Variants in SLC35F4 observed in about 807,000 individuals in gnomAD.
SLC35F4 encodes the protein solute carrier family 35 member F4, also known as chromosome 14 open reading frame 36.
Under a neutral mutation model 44.2 loss-of-function variants are expected in SLC35F4, and 24 were observed. That is an observed-to-expected ratio of 0.54 (90% CI 0.39 to 0.76). The LOEUF (loss-of-function observed/expected upper bound fraction) is 0.76, where lower values mean the gene tolerates loss of function less well. Among genes scored for constraint, SLC35F4 ranks in the 30% least tolerant of loss-of-function variants. The pLI, the probability that SLC35F4 is intolerant of heterozygous loss-of-function variation, is 0.00. For missense variants in SLC35F4, 562 were observed against 586.1 expected, an observed-to-expected ratio of 0.96 and a Z score of 0.42; for synonymous variants, 238 against 223.6, an observed-to-expected ratio of 1.06 and a Z score of -0.57.
At chr14:57,784,537 T>C (rs2140764947) in intron 1 of SLC35F4, among the ~76,000 whole-genome samples, 1 of 152,210 alleles carries the variant, frequency 6.6e-6, no homozygotes, top group East Asian at 1.9e-4. Flanking sequence ...AATTTTTTCT[T>C]AGTCAGGGGC....
rs1331321847 is a variant in SLC35F4 at position 57,589,376 on chromosome 14, C to T, written c.427G>A (p.Val143Ile). Reference protein sequence around the residue: ...LIILSVSSSWVGTTQIVKITY... With the variant: ...LIILSVSSSWIGTTQIVKITY... ...ATTTTTACAATCTGTGTAGTTCCAACCCAAGATGATGATACTGACAAGATG... is the reference window on the plus strand; with the variant it reads ...ATTTTTACAATCTGTGTAGTTCCAATCCAAGATGATGATACTGACAAGATG... Residue 143 changes from valine (V) to isoleucine (I), a missense_variant, in exon 3 of 8, where the codon GTT (valine) becomes ATT (isoleucine). Transcript: ENST00000556826. 5 of 1,613,932 alleles carry T rather than the reference C, an allele frequency of 3.1e-6. No individual in the cohort carries two copies. The highest frequency in any genetic ancestry group is 4.2e-6 in the Non-Finnish European group (5 of 1,179,864).
At chr14:57,617,322 G>T (rs1453088709) in intron 1 of SLC35F4, among the ~76,000 whole-genome samples, 2 of 151,496 alleles carry the variant, frequency 1.3e-5, no homozygotes, top group Admixed American at 6.6e-5. Flanking sequence ...AGTGGAGACG[G>T]GGTTTCACCA....
chr14:57,875,823 TGGC>T (rs1328631609), intron 1 of SLC35F4, among the ~76,000 whole-genome samples: 3 of 152,200 alleles, frequency 2.0e-5, no homozygotes, highest in African/African-American at 7.2e-5. Context: ...CAAACAATTG[TGGC>T]CATTCTTGGA....
chr14:57,792,557 T>C (rs1226920365), intron 1 of SLC35F4, among the ~76,000 whole-genome samples: 1 of 152,064 alleles, frequency 6.6e-6, no homozygotes, highest in Non-Finnish European at 1.5e-5. Context: ...GATATATATA[T>C]GTATATATGC....
chr14:57,875,496 T>C (rs895759743), intron 1 of SLC35F4, among the ~76,000 whole-genome samples: 3 of 152,218 alleles, frequency 2.0e-5, no homozygotes, highest in Non-Finnish European at 2.9e-5. Flanking sequence ...CCAGGCTTGG[T>C]TGATCCTGGA....
intron 1 of SLC35F4, among the ~76,000 whole-genome samples, chr14:57,878,533 G>A (rs550495404): frequency 9.2e-5 from 14 of 152,190 alleles, no homozygotes; most frequent in South Asian, 6.2e-4. Flanking sequence ...CTCTGAAAAA[G>A]CTATGGGCTT....
intron 1 of SLC35F4, among the ~76,000 whole-genome samples, chr14:57,738,042 A>G (rs1397217745): frequency 6.6e-6 from 1 of 152,230 alleles, no homozygotes; most frequent in Non-Finnish European, 1.5e-5. Flanking sequence ...TTCACATAAA[A>G]AATGTTTGAG....
chr14:57,880,322 G>A (rs1888506647), intron 1 of SLC35F4, among the ~76,000 whole-genome samples: 1 of 152,142 alleles, frequency 6.6e-6, no homozygotes, highest in Non-Finnish European at 1.5e-5. Context: ...TGATATATGG[G>A]TGGAATAAGG....
At chr14:57,727,958 C>T (rs2076245103) in intron 1 of SLC35F4, among the ~76,000 whole-genome samples, 2 of 152,160 alleles carry the variant, frequency 1.3e-5, no homozygotes, top group African/African-American at 4.8e-5. Context: ...TATGGGAGAT[C>T]TGTTCAGTGC....
At chr14:57,768,939 G>A (rs140838505) in intron 1 of SLC35F4, among the ~76,000 whole-genome samples, 5 of 151,984 alleles carry the variant, frequency 3.3e-5, no homozygotes, top group African/African-American at 9.7e-5. Flanking sequence ...TTTTAGTAGC[G>A]ATAGGGTTTC....
At chr14:57,947,357 T>C (rs1429917867) in intron 1 of SLC35F4, among the ~76,000 whole-genome samples, 7 of 152,104 alleles carry the variant, frequency 4.6e-5, no homozygotes, top group Non-Finnish European at 8.8e-5. Context: ...ATAGCAGTGC[T>C]ACTGATTTGT....
chr14:57,744,687 G>A (rs935076511), intron 1 of SLC35F4, among the ~76,000 whole-genome samples: 2 of 151,658 alleles, frequency 1.3e-5, no homozygotes, highest in South Asian at 4.2e-4. Flanking sequence ...ATCCCCATCA[G>A]CTACCTTTCT....
chr14:57,818,547 G>A (rs1312290186), intron 1 of SLC35F4, among the ~76,000 whole-genome samples: 3 of 152,172 alleles, frequency 2.0e-5, no homozygotes, highest in Non-Finnish European at 2.9e-5. Context: ...AAGAGTGTCT[G>A]TACATCAGGG....
At chr14:57,819,052 T>C (rs965030541) in intron 1 of SLC35F4, among the ~76,000 whole-genome samples, 15 of 152,118 alleles carry the variant, frequency 9.9e-5, no homozygotes, top group Non-Finnish European at 1.8e-4. Context: ...TTTAAAAAAA[T>C]TTTTTGAGGG....
chr14:57,697,810 C>T (rs967069502), intron 1 of SLC35F4, among the ~76,000 whole-genome samples: 16 of 152,074 alleles, frequency 1.1e-4, no homozygotes, highest in African/African-American at 3.1e-4. Context: ...TCACTATACT[C>T]CTATACAGAC....
intron 1 of SLC35F4, among the ~76,000 whole-genome samples, chr14:57,670,864 T>TATAG (rs2074492902): frequency 6.6e-6 from 1 of 151,494 alleles, no homozygotes; most frequent in Non-Finnish European, 1.5e-5. Context: ...CCACAGAAGC[T>TATAG]ATAGAGGACA....
intron 1 of SLC35F4, chr14:57,629,925 G>A: frequency 2.1e-6 from 1 of 484,702 alleles, no homozygotes; most frequent in Non-Finnish European, 4.1e-6. Flanking sequence ...CAGTATCGCT[G>A]AACACATCTC....
At chr14:57,641,603 T>C (rs1408831377) in intron 1 of SLC35F4, among the ~76,000 whole-genome samples, 2 of 152,144 alleles carry the variant, frequency 1.3e-5, no homozygotes, top group Middle Eastern at 3.4e-3. Flanking sequence ...GAAGTGATTC[T>C]ACTAGAAAAT....
At chr14:57,740,354 T>C (rs1046320679) in intron 1 of SLC35F4, among the ~76,000 whole-genome samples, 5 of 152,248 alleles carry the variant, frequency 3.3e-5, no homozygotes, top group Admixed American at 6.5e-5. Context: ...GGTAAGTTAC[T>C]TAATTGTATT....
Sources: allele counts gnomAD v4.1 joint callset (sites outside exome capture counted in the v4.1 genomes callset), GRCh38; gene constraint gnomAD v4.1.1; transcripts MANE v1.5; gene names NCBI Gene and HGNC (gene_info 2026-07-23, HGNC 2026-07-21).